Variants in SUMF2 observed in about 807,000 individuals in gnomAD.
The protein encoded by SUMF2 is sulfatase modifying factor 2.
SUMF2 carries 45 observed loss-of-function variants against 44.8 expected under a neutral mutation model. The ratio of observed to expected loss-of-function variants is 1.00; its 90% CI spans 0.79 to 1.29. SUMF2 has a LOEUF of 1.29. SUMF2 is among the 50% of genes most tolerant of loss of function. SUMF2 has a pLI of 0.00. For missense variants in SUMF2, 418 were observed against 389.9 expected (o/e 1.07, Z -0.61); for synonymous variants, 148 against 150.4 (o/e 0.98, Z 0.12).
At chr7:56,084,946 C>G (rs1396613554), downstream of SUMF2, among the ~76,000 whole-genome samples, 1 of 151,976 alleles carries the variant, frequency 6.6e-6, no homozygotes, top group Non-Finnish European at 1.5e-5. Context: ...ACAGAGCAGT[C>G]GAGACAGCTG....
At chr7:56,064,441 G>A in intron 1 of SUMF2, 63 bp downstream of exon 1, 2 of 1,548,336 alleles carry the variant, frequency 1.3e-6, no homozygotes, top group Non-Finnish European at 1.7e-6. Context: ...CCGCCCTGAC[G>A]GGAGAGAGCC....
intron 2 of SUMF2, among the ~76,000 whole-genome samples, chr7:56,069,585 T>G (rs1407491121): frequency 6.6e-6 from 1 of 151,836 alleles, no homozygotes; most frequent in Non-Finnish European, 1.5e-5. Flanking sequence ...GAAAATTCAT[T>G]TTATTATTAT....
At chr7:56,081,297 C>A, downstream of SUMF2, 1 of 1,607,092 alleles carries the variant, frequency 6.2e-7, no homozygotes, top group Non-Finnish European at 8.5e-7. The surrounding 1 kb of genome is among the most constrained non-coding windows in gnomAD (Gnocchi z 4.6). Flanking sequence ...TCAGAGCGAT[C>A]ACCTGCAGGG....
intron 8 of SUMF2, chr7:56,078,977 G>A: frequency 1.6e-6 from 1 of 624,838 alleles, no homozygotes; most frequent in South Asian, 1.9e-5. Flanking sequence ...GCTCACTACA[G>A]CCTCAAACTG....
chr7:56,083,329 G>C (rs113579109), downstream of SUMF2: 1 of 1,614,130 alleles, frequency 6.2e-7, no homozygotes, highest in East Asian at 2.2e-5. Flanking sequence ...AAGTCTGTGA[G>C]CTTGATGTTC....
intron 2 of SUMF2, among the ~76,000 whole-genome samples, chr7:56,071,643 G>A (rs1795158230): frequency 6.7e-6 from 1 of 149,172 alleles, no homozygotes; most frequent in African/African-American, 2.5e-5. Context: ...AAATTAGCCG[G>A]GTGTGCTGGC....
At chr7:56,077,784 C>A (rs1338515333) in intron 6 of SUMF2, among the ~76,000 whole-genome samples, 1 of 152,098 alleles carries the variant, frequency 6.6e-6, no homozygotes, top group Non-Finnish European at 1.5e-5. Context: ...ATCCTGTCTT[C>A]TTGAGGCACT....
chr7:56,067,123 AG>A (rs1188710117), intron 1 of SUMF2, among the ~76,000 whole-genome samples: 1 of 152,246 alleles, frequency 6.6e-6, no homozygotes, highest in Non-Finnish European at 1.5e-5. Context: ...GAAGAGGCAG[AG>A]AAACAGCATG....
At chr7:56,071,080 A>G (rs1159840309) in intron 2 of SUMF2, among the ~76,000 whole-genome samples, 1 of 152,232 alleles carries the variant, frequency 6.6e-6, no homozygotes, top group Non-Finnish European at 1.5e-5. Flanking sequence ...TCAAACTCAC[A>G]GAACTGCTGA....
At chr7:56,081,412 G>A (rs1320189228), downstream of SUMF2, 34 of 1,396,540 alleles carry the variant, frequency 2.4e-5, no homozygotes, top group African/African-American at 2.9e-5. This position sits in a 1 kb window ranked among gnomAD's most constrained non-coding sequence, Gnocchi z 4.6. Context: ...TGGCTTCTGC[G>A]GGGCCTTCCT....
chr7:56,075,421 G>A (rs1329180112), intron 5 of SUMF2, among the ~76,000 whole-genome samples: 1 of 152,052 alleles, frequency 6.6e-6, no homozygotes, highest in Non-Finnish European at 1.5e-5. Context: ...TTGCGGCCGG[G>A]CGCAGTGGCT....
At chr7:56,083,453 C>T (rs377248746), downstream of SUMF2, 5 of 1,613,558 alleles carry the variant, frequency 3.1e-6, no homozygotes, top group African/African-American at 4.0e-5. Context: ...TAGGGTGGGG[C>T]ACACACTTGT....
In SUMF2 at chr7:56,079,674, G is replaced by T. The variant is rs956441768; in HGVS notation, c.*62G>T. ...GTCACTGTCATTCCCTGGCCATGTT[G>T]CAAACAGCGCAATTCCAAGCTCGAG... On this transcript the variant is annotated 3_prime_UTR_variant, in exon 9 of 9. Coordinates refer to ENST00000434526, the MANE Select transcript of SUMF2 (RefSeq NM_015411.4). 6.2e-7 allele frequency: 1 copy of T among 1,613,878 alleles called. No individual in the cohort carries two copies. The highest frequency in any genetic ancestry group is 1.3e-5 in the African/African-American group (1 of 74,922).
At chr7:56,081,722 G>T, downstream of SUMF2, 2 of 1,613,868 alleles carry the variant, frequency 1.2e-6, no homozygotes, top group Non-Finnish European at 8.5e-7. The surrounding 1 kb of genome is among the most constrained non-coding windows in gnomAD (Gnocchi z 4.6). Context: ...GCTGTGTAGC[G>T]GTTCTGGGGT....
chr7:56,082,032 ACGC>A (rs776647595), downstream of SUMF2: 7 of 1,612,876 alleles, frequency 4.3e-6, no homozygotes, highest in Non-Finnish European at 5.9e-6. Context: ...GTACATGATG[ACGC>A]CAGTGCTCCA....
intron 2 of SUMF2, among the ~76,000 whole-genome samples, chr7:56,071,816 T>A (rs13234983): frequency 3.5e-4 from 41 of 118,094 alleles, no homozygotes; most frequent in Non-Finnish European, 5.8e-4. Flanking sequence ...AAATAAATAA[T>A]TAAATAAAAA....
chr7:56,083,707 C>T (rs1426799657), downstream of SUMF2: 2 of 1,577,292 alleles, frequency 1.3e-6, no homozygotes, highest in Non-Finnish European at 1.7e-6. Flanking sequence ...GAGCTCCCCT[C>T]TCTTCATCCT....
downstream of SUMF2, chr7:56,081,852 C>G (rs765010787): frequency 2.5e-6 from 4 of 1,610,632 alleles, no homozygotes; most frequent in African/African-American, 2.7e-5. This position sits in a 1 kb window ranked among gnomAD's most constrained non-coding sequence, Gnocchi z 4.6. Context: ...CGCCTGGCAT[C>G]GCAGCCCTGA....
At chr7:56,073,639 G>C (rs1487990306) in intron 3 of SUMF2, 1 of 172,322 alleles carries the variant, frequency 5.8e-6, no homozygotes, top group Non-Finnish European at 1.2e-5. Flanking sequence ...GTGAGACTGT[G>C]TCTCAAAAGA....
Sources: gnomAD v4.1 joint callset for allele counts (sites outside exome capture counted in the v4.1 genomes callset) on GRCh38, gnomAD v4.1.1 for gene constraint, Gnocchi (gnomAD v3.1) non-coding constraint, MANE v1.5 for transcripts, NCBI Gene and HGNC (gene_info 2026-07-23, HGNC 2026-07-21) for gene names.